Variants in PHACTR2 observed in about 807,000 individuals in gnomAD.
PHACTR2 encodes phosphatase and actin regulator 2, also known as chromosome 6 open reading frame 56.
In PHACTR2, 30 loss-of-function variants were observed where a neutral mutation model predicts 76.0. The observed-to-expected ratio is 0.39, with a 90% CI of 0.30 to 0.54. The LOEUF is 0.54. Ranked by LOEUF, PHACTR2 falls within the 20% of genes least tolerant of loss-of-function variation. PHACTR2 has a pLI of 0.61. For missense variants in PHACTR2, 696 were observed against 781.1 expected (o/e 0.89, Z 1.30); for synonymous variants, 292 against 292.5 (o/e 1.00, Z 0.02).
intron 3 of PHACTR2, among the ~76,000 whole-genome samples, chr6:143,749,319 A>C (rs2076703): frequency 0.047 from 7,112 of 152,274 alleles, 509 homozygotes; most frequent in African/African-American, 0.15. Context: ...GCAAAGGTAC[A>C]TCCGAGGGCA....
intron 1 of PHACTR2, among the ~76,000 whole-genome samples, chr6:143,644,837 T>C (rs1776630357): frequency 6.6e-6 from 1 of 152,092 alleles, no homozygotes; most frequent in African/African-American, 2.4e-5. Context: ...TTTAATTTTA[T>C]GTCTGTAGGC....
rs1233642349 is a variant in PHACTR2 at position 143,621,368 on chromosome 6, T to G, written c.13+13046T>G. 5.3e-5 allele frequency among the ~76,000 whole-genome samples: 8 copies of G among 152,304 alleles called. No homozygotes were observed. In the South Asian group the frequency reaches 1.5e-3, roughly 28 times the overall value. On this transcript the variant is annotated intron_variant, in intron 1 of 11. Coordinates refer to the PHACTR2 transcript ENST00000305766. This position sits in a 1 kb window ranked among gnomAD's most constrained non-coding sequence, Gnocchi z 4.1. ...GGATCCCGAGCCCTCTCAGGCCTCC[T>G]CGGTGCAGAAGGGCAAATCCTTCCC...
Position 143,734,555 on chromosome 6 carries a change from C to T in PHACTR2, c.215-14430C>T, listed in dbSNP as rs180870113. Among the ~76,000 whole-genome samples, 8 of 152,284 alleles carry T rather than the reference C, an allele frequency of 5.3e-5. No homozygotes were observed. The East Asian group carries it at 1.5e-3, about 29-fold the overall frequency. On this transcript the variant is annotated intron_variant, in intron 2 of 12. Transcript: ENST00000440869. ...AGCATTCTCAAATGAGACATGGATG[C>T]TACTGATTTTGCTGATTTCTGATTA... is the stretch of plus-strand genomic sequence containing the variant.
intron 2 of PHACTR2, among the ~76,000 whole-genome samples, chr6:143,744,415 A>G (rs55767626): frequency 0.4 from 61,086 of 152,108 alleles, 12,876 homozygotes; most frequent in Non-Finnish European, 0.48. Flanking sequence ...AGCAAAACAG[A>G]ATTTTGGTTC....
At chr6:143,628,959 A>G (rs1776311235) in intron 1 of PHACTR2, among the ~76,000 whole-genome samples, 1 of 84,672 alleles carries the variant, frequency 1.2e-5, no homozygotes, top group Non-Finnish European at 2.6e-5. Flanking sequence ...ATATATATAT[A>G]TATATATATA....
At chr6:143,771,395 T>A (rs938261438) in intron 6 of PHACTR2, among the ~76,000 whole-genome samples, 1 of 147,468 alleles carries the variant, frequency 6.8e-6, no homozygotes, top group African/African-American at 2.5e-5. Flanking sequence ...CCCAGCTAAT[T>A]TTTTATTATT....
In PHACTR2 at chr6:143,749,110, C is replaced by G. The variant is rs746602582; in HGVS notation, c.295+45C>G. ...ATTTTAAATATTTTGGTCCTTCATT[C>G]TTTGGTTTTTCTTTTGTTTTCTTTT... On this transcript the variant is annotated intron_variant, in intron 3 of 12. Transcript: ENST00000440869. 4 of 1,010,720 alleles carry G rather than the reference C, an allele frequency of 4.0e-6. No homozygotes were observed. In the Admixed American group the frequency reaches 7.5e-5, roughly 19 times the overall value. The allele number at this position is 1,010,720 out of a possible 1,614,324, so 62.6% of individuals were successfully genotyped here.
chr6:143,773,127 C>T (rs1775192642), intron 7 of PHACTR2, among the ~76,000 whole-genome samples: 1 of 152,090 alleles, frequency 6.6e-6, no homozygotes, highest in Admixed American at 6.6e-5. Context: ...GCAGGAGAAT[C>T]GCTTGAACCC....
intron 2 of PHACTR2, among the ~76,000 whole-genome samples, chr6:143,736,546 C>T (rs1374619982): frequency 6.9e-6 from 1 of 145,964 alleles, no homozygotes; most frequent in Admixed American, 6.9e-5. Flanking sequence ...TATGCCAAAC[C>T]CTTTACAATT....
At chr6:143,563,937 G>A (rs944312198) in intron 1 of PHACTR2, among the ~76,000 whole-genome samples, 4 of 151,830 alleles carry the variant, frequency 2.6e-5, no homozygotes, top group Non-Finnish European at 4.4e-5. Flanking sequence ...CCTTGAGGTC[G>A]AGGCTGCATT....
intron 11 of PHACTR2, among the ~76,000 whole-genome samples, chr6:143,792,557 G>A (rs1775715673): frequency 6.6e-6 from 1 of 152,094 alleles, no homozygotes; most frequent in African/African-American, 2.4e-5. Context: ...TACAGATTTT[G>A]TAGGTTGGGG....
chr6:143,628,924 GAT>G (rs71024862), intron 1 of PHACTR2, among the ~76,000 whole-genome samples: 134 of 33,934 alleles, frequency 3.9e-3, no homozygotes, highest in Admixed American at 5.1e-3. Context: ...AAATGCAGGA[GAT>G]ATATATATAT....
rs1344578473 is a variant in PHACTR2 at position 143,627,759 on chromosome 6, G to A, written c.13+19437G>A. Among the ~76,000 whole-genome samples, 2 of 151,792 alleles carry A rather than the reference G, an allele frequency of 1.3e-5. No individual in the cohort carries two copies. Among genetic ancestry groups the A allele is most frequent in the African/African-American group, 2.4e-5 (1 of 41,310 alleles). On this transcript the variant is annotated intron_variant, in intron 1 of 11. Coordinates refer to the PHACTR2 transcript ENST00000305766. This position sits in a 1 kb window ranked among gnomAD's most constrained non-coding sequence, Gnocchi z 4.3. Reference sequence around the variant, plus strand: ...TGGGACTACAGGCTCGTACCGCCACGCCCAGCTAATTTTTTGTATTTTTAG... The same window carrying A: ...TGGGACTACAGGCTCGTACCGCCACACCCAGCTAATTTTTTGTATTTTTAG...
In PHACTR2 at chr6:143,610,938, T is replaced by TA. The variant is rs1380992828; in HGVS notation, c.13+2617dup. Among the ~76,000 whole-genome samples, 1 of 152,216 alleles carries TA rather than the reference T, an allele frequency of 6.6e-6. No individual in the cohort carries two copies. The highest frequency in any genetic ancestry group is 6.5e-5 in the Admixed American group (1 of 15,288). ...AATGGCTATTTCTTCTTAGAAGTTA[T>TA]ATAACAAGTCAAATAGATGGTGCTT... On this transcript the variant is annotated intron_variant, in intron 1 of 11. Transcript: ENST00000305766. The surrounding 1 kb of genome is among the most constrained non-coding windows in gnomAD (Gnocchi z 4.9).
At chr6:143,573,418 A>G (rs1467728970) in intron 1 of PHACTR2, among the ~76,000 whole-genome samples, 1 of 152,134 alleles carries the variant, frequency 6.6e-6, no homozygotes, top group African/African-American at 2.4e-5. Flanking sequence ...CCTGGATGCT[A>G]CATTATTATG....
chr6:143,714,819 A>T (rs1210663080), intron 2 of PHACTR2, among the ~76,000 whole-genome samples: 1 of 152,154 alleles, frequency 6.6e-6, no homozygotes, highest in African/African-American at 2.4e-5. Flanking sequence ...TGGCATTTAC[A>T]TCTTTTTTTC....
intron 1 of PHACTR2, among the ~76,000 whole-genome samples, chr6:143,632,075 C>T (rs566498547): frequency 4.6e-5 from 7 of 152,322 alleles, no homozygotes; most frequent in African/African-American, 1.4e-4. Flanking sequence ...ACCTGGCCCC[C>T]TGCCCCTCCC....
At chr6:143,705,115 G>A (rs369786996) in intron 1 of PHACTR2, among the ~76,000 whole-genome samples, 2 of 149,902 alleles carry the variant, frequency 1.3e-5, no homozygotes, top group African/African-American at 2.5e-5. Flanking sequence ...GTGAGCCACC[G>A]CGCCCGGCCT....
rs1775563387 is a variant in PHACTR2, at chr6:143,580,781, A to G, written c.217+43574A>G. ...AACGTGAAGATAAATGTCTCTGAAG[A>G]CAAGAAGGTGAGATAATTAAGAGAC... On this transcript the variant is annotated intron_variant, in intron 1 of 11. Coordinates refer to the PHACTR2 transcript ENST00000367584. The surrounding 1 kb of genome is among the most constrained non-coding windows in gnomAD (Gnocchi z 4.2). 6.6e-6 allele frequency among the ~76,000 whole-genome samples: 1 copy of G among 152,248 alleles called. No homozygotes were observed. The highest frequency in any genetic ancestry group is 1.5e-5 in the Non-Finnish European group (1 of 68,042).
Sources: gnomAD v4.1 joint callset for allele counts (sites outside exome capture counted in the v4.1 genomes callset) on GRCh38, gnomAD v4.1.1 for gene constraint, Gnocchi (gnomAD v3.1) non-coding constraint, MANE v1.5 for transcripts, NCBI Gene and HGNC (gene_info 2026-07-23, HGNC 2026-07-21) for gene names.